The following LRFN2 variants were observed in gnomAD, a reference collection of about 807,000 sequenced individuals.
LRFN2 encodes leucine-rich repeat and fibronectin type-III domain-containing protein 2.
Under a neutral mutation model 37.3 loss-of-function variants are expected in LRFN2, and 18 were observed. That is an observed-to-expected ratio of 0.48 (90% confidence interval 0.33 to 0.72). The LOEUF (loss-of-function observed/expected upper bound fraction) is 0.72. Among genes scored for constraint, LRFN2 ranks in the 30% least tolerant of loss-of-function variants. LRFN2 has a pLI of 0.02. For synonymous variants in LRFN2, 556 were observed against 466.6 expected (o/e 1.19, Z -2.47); for missense variants, 1,006 against 1,060.7 (o/e 0.95, Z 0.72).
intron 1 of LRFN2, among the ~76,000 whole-genome samples, chr6:40,534,489 G>A (rs894974904): frequency 1.3e-5 from 2 of 151,940 alleles, no homozygotes; most frequent in Non-Finnish European, 2.9e-5. Context: ...GCTCTGCAAC[G>A]GCAGGCGGAC....
intron 1 of LRFN2, among the ~76,000 whole-genome samples, chr6:40,470,337 C>T (rs180906994): frequency 6.6e-6 from 1 of 152,296 alleles, no homozygotes; most frequent in East Asian, 1.9e-4. Context: ...TGTGGCTGGG[C>T]GCAGTGGCTC....
chr6:40,558,330 C>T lies in LRFN2; in HGVS notation c.-19+28611G>A, dbSNP rs145987619. ...TCTTTTCCTGCCTGCAGCTTTGTGC[C>T]CAGTGAAGGAACAGCCAGCACTTCC... On this transcript the variant is annotated intron_variant, in intron 1 of 2. Transcript: ENST00000338305. Among the ~76,000 whole-genome samples, 18 of 152,288 alleles carry T rather than the reference C, an allele frequency of 1.2e-4. No homozygotes were observed. In the East Asian group the frequency reaches 3.3e-3, roughly 28 times the overall value.
intron 2 of LRFN2, among the ~76,000 whole-genome samples, chr6:40,417,505 C>A (rs528557204): frequency 6.6e-6 from 1 of 152,294 alleles, no homozygotes; most frequent in African/African-American, 2.4e-5. Flanking sequence ...ACAGCACACA[C>A]CTAATGAGCT....
intron 1 of LRFN2, among the ~76,000 whole-genome samples, chr6:40,434,537 C>T (rs933535261): frequency 6.7e-5 from 10 of 149,492 alleles, no homozygotes; most frequent in African/African-American, 1.5e-4. Context: ...AGCGCAGTGG[C>T]GCAATCTTGG....
chr6:40,444,309 G>C (rs1763914821), intron 1 of LRFN2, among the ~76,000 whole-genome samples: 1 of 152,206 alleles, frequency 6.6e-6, no homozygotes, highest in South Asian at 2.1e-4. Context: ...GACAGAGACA[G>C]ACGAGAGAAA....
chr6:40,440,950 A>C (rs994715841), intron 1 of LRFN2, among the ~76,000 whole-genome samples: 1 of 152,188 alleles, frequency 6.6e-6, no homozygotes, highest in Non-Finnish European at 1.5e-5. Flanking sequence ...TCCAGCTCAG[A>C]GCAAACTTCT....
chr6:40,402,332 G>A (rs1190470511), intron 2 of LRFN2, among the ~76,000 whole-genome samples: 1 of 152,166 alleles, frequency 6.6e-6, no homozygotes, highest in Non-Finnish European at 1.5e-5. Context: ...GCTGAGCCAG[G>A]TCTGCCAGGC....
chr6:40,503,367 G>A (rs1031786793), intron 1 of LRFN2, among the ~76,000 whole-genome samples: 1 of 152,180 alleles, frequency 6.6e-6, no homozygotes, highest in Non-Finnish European at 1.5e-5. Flanking sequence ...CAGTAATGGA[G>A]AGACTGTAGT....
At chr6:40,508,760 C>T (rs553206133) in intron 1 of LRFN2, among the ~76,000 whole-genome samples, 4 of 152,250 alleles carry the variant, frequency 2.6e-5, no homozygotes, top group African/African-American at 4.8e-5. Context: ...TCAAATATGC[C>T]GGTGGAACTA....
At chr6:40,582,496 G>GT in intron 1 of LRFN2, among the ~76,000 whole-genome samples, 1 of 152,098 alleles carries the variant, frequency 6.6e-6, no homozygotes, top group Middle Eastern at 3.4e-3. Flanking sequence ...GCTTGGCACA[G>GT]TTTAACACCT....
intron 1 of LRFN2, chr6:40,501,784 G>C (rs2113876707): frequency 6.6e-6 from 1 of 152,298 alleles, no homozygotes; most frequent in South Asian, 2.1e-4. Flanking sequence ...GATGAAGCCA[G>C]ACACTCTTGT....
At position 40,392,882 on chromosome 6, in the gene LRFN2, C is replaced by T. The variant is rs758768675; in HGVS notation, c.1431G>A (p.Val477=). 96 of 1,612,034 alleles carry T rather than the reference C, an allele frequency of 6.0e-5. No homozygotes were observed. The highest frequency in any genetic ancestry group is 7.7e-5 in the Non-Finnish European group (91 of 1,179,082). The part of the protein sequence containing the change: ...RMIPASNKAF[V]VNNLVSGTGY... ...CAGTCCCTGACACCAGGTTGTTGAC[C>T]ACGAAGGCCTTGTTGGAGGCTGGGA... The change falls in exon 3 of 3, where the codon GTG becomes GTA. Residue 477 remains valine, a synonymous_variant. Coordinates refer to ENST00000338305, the MANE Select transcript of LRFN2 (RefSeq NM_020737.3). This position sits in a 1 kb window ranked among gnomAD's most constrained non-coding sequence, Gnocchi z 4.7.
At chr6:40,496,953 A>G (rs892787645) in intron 1 of LRFN2, among the ~76,000 whole-genome samples, 3 of 151,910 alleles carry the variant, frequency 2.0e-5, no homozygotes, top group African/African-American at 4.8e-5. Context: ...TGCCTTCCCT[A>G]TCTATAATGT....
chr6:40,486,543 G>T (rs909678879), intron 1 of LRFN2, among the ~76,000 whole-genome samples: 2 of 152,170 alleles, frequency 1.3e-5, no homozygotes, highest in Non-Finnish European at 2.9e-5. Context: ...GCCTGGGTAA[G>T]GAATGGGTAG....
At chr6:40,495,617 T>C (rs532245387) in intron 1 of LRFN2, among the ~76,000 whole-genome samples, 2 of 152,248 alleles carry the variant, frequency 1.3e-5, no homozygotes, top group East Asian at 3.9e-4. Context: ...GAAGCCTCCA[T>C]CATCTAGAAC....
chr6:40,464,657 T>A (rs779881113), intron 1 of LRFN2, among the ~76,000 whole-genome samples: 5 of 152,196 alleles, frequency 3.3e-5, no homozygotes. Context: ...CCCCTCAATG[T>A]CCACCATTCC....
Position 40,433,123 on chromosome 6 carries a change from A to G in LRFN2, c.-10T>C, listed in dbSNP as rs1296061923. The G allele has an allele frequency of 5.3e-6, 8 of 1,516,310 alleles. No individual in the cohort carries two copies. Among genetic ancestry groups the G allele is most frequent in the Non-Finnish European group, 7.1e-6 (8 of 1,133,720 alleles). 93.9% of individuals were successfully genotyped at this position (1,516,310 alleles called of 1,614,324 possible). ...CAAGCAGGGTCTCCATGGTCTGGTC[A>G]CTCAGCGCCTGGAAGGGAGAAACAC... On this transcript the variant is annotated 5_prime_UTR_variant, in exon 2 of 3. An upstream open reading frame in the 5' UTR loses its in-frame stop. Transcript: ENST00000338305.
At chr6:40,558,797 C>T (rs1330089949) in intron 1 of LRFN2, among the ~76,000 whole-genome samples, 2 of 152,190 alleles carry the variant, frequency 1.3e-5, no homozygotes. Flanking sequence ...TTATTAGTGC[C>T]TCCATTCTGC....
chr6:40,474,929 ATGCTAGAAAACCCTG>A (rs1764677701), intron 1 of LRFN2, among the ~76,000 whole-genome samples: 1 of 152,246 alleles, frequency 6.6e-6, no homozygotes, highest in Admixed American at 6.5e-5. Flanking sequence ...CAAGAAAATG[ATGCTAGAAAACCCTG>A]TGCTTTTCTG....
Sources: gnomAD v4.1 joint callset for allele counts (sites outside exome capture counted in the v4.1 genomes callset) on GRCh38, gnomAD v4.1.1 for gene constraint, Gnocchi (gnomAD v3.1) non-coding constraint, MANE v1.5 for transcripts, NCBI Gene and HGNC (gene_info 2026-07-23, HGNC 2026-07-21) for gene names.